The following C6orf118 variants were observed in gnomAD, a reference collection of about 807,000 sequenced individuals.
C6orf118 encodes the protein uncharacterized protein C6orf118.
C6orf118 carries 50 observed loss-of-function variants against 50.2 expected under a neutral mutation model. The ratio of observed to expected loss-of-function variants is 1.00; its 90% CI spans 0.79 to 1.26. The LOEUF is 1.26. Ranked by LOEUF, C6orf118 falls within the 50% of genes most tolerant of loss-of-function variation. C6orf118 has a pLI of 0.00. For synonymous variants in C6orf118, 239 were observed against 230.9 expected, an observed-to-expected ratio of 1.03 and a Z score of -0.32; for missense variants, 641 against 578.7, an observed-to-expected ratio of 1.11 and a Z score of -1.10.
intron 5 of C6orf118, among the ~76,000 whole-genome samples, chr6:165,294,881 T>C (rs994763053): frequency 3.9e-5 from 6 of 152,146 alleles, no homozygotes; most frequent in Non-Finnish European, 7.3e-5. Context: ...AGACCCTGTC[T>C]CAAAGAAAAA....
chr6:165,298,446 G>C (rs142168126), intron 4 of C6orf118, among the ~76,000 whole-genome samples: 8 of 152,336 alleles, frequency 5.3e-5, no homozygotes, highest in African/African-American at 1.4e-4. Flanking sequence ...GTTTCCTCTA[G>C]GTGAATGAGA....
rs751605389 is a variant in C6orf118 at position 165,300,403 on chromosome 6, G to C, written c.837C>G (p.Asn279Lys). The change falls in exon 3 of 9, where the codon AAC becomes AAG. Residue 279 changes from asparagine (N) to lysine (K), a missense_variant. Transcript: ENST00000230301. Reference sequence around the variant, plus strand: ...AGAGATCACCAAATATCAAAGAACTGTTACAAATATCTTCAAAGACTTTTC... The same window carrying C: ...AGAGATCACCAAATATCAAAGAACTCTTACAAATATCTTCAAAGACTTTTC... The part of the protein sequence containing the change: ...VFGKVFEDIC[N>K]SSLIFGDLLK... The C allele has an allele frequency of 6.2e-7, 1 of 1,613,856 alleles. No homozygotes were observed. Among genetic ancestry groups the C allele is most frequent in the Admixed American group, 1.7e-5 (1 of 60,022 alleles).
chr6:165,284,996 C>T (rs1168806029), intron 7 of C6orf118, among the ~76,000 whole-genome samples: 1 of 151,968 alleles, frequency 6.6e-6, no homozygotes, highest in African/African-American at 2.4e-5. Flanking sequence ...GGGCTAAATG[C>T]CCCAATTAAA....
intron 7 of C6orf118, among the ~76,000 whole-genome samples, chr6:165,282,928 G>T (rs1487463679): frequency 6.6e-6 from 1 of 152,084 alleles, no homozygotes; most frequent in African/African-American, 2.4e-5. Context: ...TTTAAATTTA[G>T]AACCCATTAC....
At chr6:165,294,264 A>C (rs374613066) in intron 5 of C6orf118, among the ~76,000 whole-genome samples, 6,182 of 150,758 alleles carry the variant, frequency 0.041, 315 homozygotes, top group African/African-American at 0.11. Context: ...CAAAAAAAAA[A>C]AAACAAAAAA....
chr6:165,300,189 T>G (rs2128162643), intron 3 of C6orf118, among the ~76,000 whole-genome samples, 175 bp downstream of exon 3: 1 of 152,278 alleles, frequency 6.6e-6, no homozygotes, highest in East Asian at 1.9e-4. Flanking sequence ...ACATGGCCCC[T>G]TACAATTTAC....
At chr6:165,299,806 T>C (rs994444622) in intron 3 of C6orf118, among the ~76,000 whole-genome samples, 4 of 152,156 alleles carry the variant, frequency 2.6e-5, no homozygotes, top group African/African-American at 9.7e-5. Context: ...TGCCTCAGCC[T>C]CTGAGTAGCT....
chr6:165,301,730 G>T lies in C6orf118; in HGVS notation c.592C>A (p.Arg198=), dbSNP rs200552833. ...AGGTAGGAGCTGACATAGTGGTGCC[G>T]GTCCCTGGTGCCTCTGGACCCGGCC... ...QEAGSRGTRD[R]HHYVSSYLAG... Residue 198 remains arginine (R), a synonymous_variant, in exon 2 of 9, where the codon CGG becomes AGG. Coordinates refer to ENST00000230301, the MANE Select transcript of C6orf118 (RefSeq NM_144980.4). The T allele has an allele frequency of 3.7e-6, 6 of 1,614,104 alleles. No individual in the cohort carries two copies. The East Asian group carries it at 1.1e-4, about 30-fold the overall frequency.
chr6:165,300,337 G>C (rs766017046), intron 3 of C6orf118, 27 bp downstream of exon 3: 9 of 1,612,718 alleles, frequency 5.6e-6, no homozygotes, highest in Non-Finnish European at 4.2e-6. Flanking sequence ...CTTCTCAACT[G>C]TTATGCTGAA....
chr6:165,289,213 G>A (rs185968528), intron 7 of C6orf118, among the ~76,000 whole-genome samples: 2 of 150,802 alleles, frequency 1.3e-5, no homozygotes, highest in African/African-American at 2.4e-5. Context: ...AAGAACATCC[G>A]AACATATGAT....
chr6:165,282,810 T>C (rs924563750), intron 7 of C6orf118, among the ~76,000 whole-genome samples: 2 of 152,120 alleles, frequency 1.3e-5, no homozygotes, highest in Non-Finnish European at 2.9e-5. Context: ...ATTAGTGATA[T>C]GGAATCTTCA....
intron 8 of C6orf118, among the ~76,000 whole-genome samples, 161 bp from the exon 9 acceptor site, chr6:165,280,271 GT>G (rs1469440293): frequency 6.6e-6 from 1 of 152,208 alleles, no homozygotes; most frequent in Non-Finnish European, 1.5e-5. Context: ...TTTTGAGGGA[GT>G]TTTGGCCTTG....
At position 165,289,982 on chromosome 6, in the gene C6orf118, CT is replaced by C; in HGVS notation, c.1205del (p.Lys402SerfsTer32). The C allele has an allele frequency of 6.2e-7, 1 of 1,611,350 alleles. No homozygotes were observed. Among genetic ancestry groups the C allele is most frequent in the Non-Finnish European group, 8.5e-7 (1 of 1,178,526 alleles). ...TTTCCAGAGCTTGTATCTCATCCCA[CT>C]TACTGAGTATTTCACACCTCTTCTT... ...VEKKRCEILS[K>X]WDEIQALEKE... On this transcript the variant is annotated frameshift_variant, in exon 7 of 9. Transcript: ENST00000230301. LOFTEE classifies it high-confidence loss of function.
intron 7 of C6orf118, among the ~76,000 whole-genome samples, chr6:165,288,010 G>A (rs967625557): frequency 6.6e-6 from 1 of 151,996 alleles, no homozygotes; most frequent in Non-Finnish European, 1.5e-5. Context: ...CAGAATGGGG[G>A]AAAATTTCTG....
At chr6:165,301,142 A>G (rs1302445305) in intron 2 of C6orf118, among the ~76,000 whole-genome samples, 1 of 151,818 alleles carries the variant, frequency 6.6e-6, no homozygotes, top group Non-Finnish European at 1.5e-5. Flanking sequence ...ATTTCACCCA[A>G]ACTGTCCCCA....
chr6:165,298,340 A>G (rs524081), intron 4 of C6orf118, among the ~76,000 whole-genome samples: 50,540 of 152,098 alleles, frequency 0.33, 8,795 homozygotes, highest in South Asian at 0.4. Flanking sequence ...TTTCTAAGAA[A>G]TGGAAAGATG....
At chr6:165,305,683 C>A (rs1780694711) in intron 1 of C6orf118, among the ~76,000 whole-genome samples, 1 of 120,468 alleles carries the variant, frequency 8.3e-6, no homozygotes, top group African/African-American at 4.1e-5. Flanking sequence ...AGAAACTTCT[C>A]AAAAGAAGAC....
chr6:165,308,481 C>G, intron 1 of C6orf118, among the ~76,000 whole-genome samples: 1 of 152,148 alleles, frequency 6.6e-6, no homozygotes, highest in Non-Finnish European at 1.5e-5. Context: ...CCACCACAAG[C>G]GACAGGGTCA....
At chr6:165,290,226 G>C (rs1780061861) in intron 6 of C6orf118, among the ~76,000 whole-genome samples, 159 bp from the exon 7 acceptor site, 1 of 152,096 alleles carries the variant, frequency 6.6e-6, no homozygotes, top group African/African-American at 2.4e-5. Context: ...TCTGACCCCA[G>C]AATGAGGGTA....
Sources: allele counts gnomAD v4.1 joint callset (sites outside exome capture counted in the v4.1 genomes callset), GRCh38; gene constraint gnomAD v4.1.1; transcripts MANE v1.5; gene names NCBI Gene and HGNC (gene_info 2026-07-23, HGNC 2026-07-21).